The following ADAT1 variants were observed in gnomAD, a reference collection of about 807,000 sequenced individuals.
ADAT1 encodes tRNA-specific adenosine deaminase 1.
ADAT1 carries 58 observed loss-of-function variants against 58.6 expected under a neutral mutation model. The ratio of observed to expected loss-of-function variants is 0.99; its 90% CI spans 0.80 to 1.23. The LOEUF (loss-of-function observed/expected upper bound fraction) is 1.23, where lower values mean the gene tolerates loss of function less well. Among genes scored for constraint, ADAT1 ranks in the 50% most tolerant of loss-of-function variants. The pLI, the probability that ADAT1 is intolerant of heterozygous loss-of-function variation, is 0.00. For missense variants in ADAT1, 741 were observed against 608.6 expected (o/e 1.22, Z -2.29); for synonymous variants, 254 against 220.8 (o/e 1.15, Z -1.33).
In ADAT1 at chr16:75,599,089, T is replaced by C; in HGVS notation, c.*1127A>G. ...CTTTTGGCTTCTTTTTTTTTTTTTT[T>C]TTTTTTTTTTGAGATAGGGTCTTGC... On this transcript the variant is annotated 3_prime_UTR_variant, in exon 10 of 10. Coordinates refer to ENST00000564657, the MANE Select transcript of ADAT1 (RefSeq NM_001324445.2). The C allele has an allele frequency of 1.0e-6, 1 of 979,688 alleles. No individual in the cohort carries two copies. Among genetic ancestry groups the C allele is most frequent in the Non-Finnish European group, 1.2e-6 (1 of 828,304 alleles). 60.7% of individuals were successfully genotyped at this position (979,688 alleles called of 1,614,324 possible).
intron 3 of ADAT1, chr16:75,619,881 G>C (rs558911992): frequency 4.8e-6 from 1 of 207,924 alleles, no homozygotes; most frequent in East Asian, 1.3e-4. Context: ...GTGACAGAGC[G>C]AGACTCCGAG....
At chr16:75,604,454 A>T (rs868392103) in intron 8 of ADAT1, among the ~76,000 whole-genome samples, 48 of 71,338 alleles carry the variant, frequency 6.7e-4, no homozygotes, top group Non-Finnish European at 1.0e-3. Context: ...AAAAAAAAAA[A>T]AAATATATAT....
chr16:75,607,094 G>A (rs1201918332), intron 8 of ADAT1, among the ~76,000 whole-genome samples: 3 of 151,992 alleles, frequency 2.0e-5, no homozygotes, highest in African/African-American at 7.3e-5. Flanking sequence ...GCTGGGCGTG[G>A]TGGCGGGCAT....
At position 75,620,923 on chromosome 16, in the gene ADAT1, C is replaced by T. The variant is rs113256979; in HGVS notation, c.-21-103G>A. 7.9e-5 allele frequency: 74 copies of T among 931,816 alleles called. No homozygotes were observed. The Admixed American group carries it at 1.2e-3, about 15-fold the overall frequency. 57.7% of individuals were successfully genotyped at this position (931,816 alleles called of 1,614,324 possible). Reference sequence around the variant, plus strand: ...TTCGAGTCTTTCAAATGGAGCAGACCGAGGTTTCCCTATCTGGAACTCTAT... The same window carrying T: ...TTCGAGTCTTTCAAATGGAGCAGACTGAGGTTTCCCTATCTGGAACTCTAT... On this transcript the variant is annotated intron_variant, in intron 1 of 9. Transcript: ENST00000564657.
intron 7 of ADAT1, 102 bp downstream of exon 7, chr16:75,608,741 G>A (rs977279765): frequency 2.1e-6 from 3 of 1,423,928 alleles, no homozygotes; most frequent in South Asian, 1.4e-5. Context: ...GGCCACTAGA[G>A]TGGTGAACTA....
chr16:75,604,492 C>CAG (rs2081318439), intron 8 of ADAT1, among the ~76,000 whole-genome samples: 1 of 124,520 alleles, frequency 8.0e-6, no homozygotes, highest in Non-Finnish European at 1.6e-5. Context: ...CACACACACA[C>CAG]ACACACACAC....
intron 8 of ADAT1, among the ~76,000 whole-genome samples, chr16:75,604,200 G>A (rs2081300632): frequency 6.6e-6 from 1 of 151,674 alleles, no homozygotes; most frequent in African/African-American, 2.4e-5. Flanking sequence ...AGGCTGAGGT[G>A]AATGAGCAGA....
Position 75,623,036 on chromosome 16 carries a change from G to T in ADAT1, c.-655C>A, listed in dbSNP as rs531248465. Reference sequence around the variant, plus strand: ...GAGCGCCTGATCCATTGGGTCCTGCGGCTGCCAGGCCAGAGGCCCCGCGCC... The same window carrying T: ...GAGCGCCTGATCCATTGGGTCCTGCTGCTGCCAGGCCAGAGGCCCCGCGCC... On this transcript the variant is annotated 5_prime_UTR_variant, in exon 1 of 10. Coordinates refer to ENST00000564657, the MANE Select transcript of ADAT1 (RefSeq NM_001324445.2). The T allele has an allele frequency of 1.4e-5, 2 of 141,538 alleles. No individual in the cohort carries two copies. The highest frequency in any genetic ancestry group is 5.7e-5 in the African/African-American group (2 of 35,354). 8.8% of individuals were successfully genotyped at this position (141,538 alleles called of 1,614,324 possible).
At chr16:75,618,295 A>C (rs2081806046) in intron 4 of ADAT1, among the ~76,000 whole-genome samples, 1 of 151,966 alleles carries the variant, frequency 6.6e-6, no homozygotes, top group Non-Finnish European at 1.5e-5. Context: ...TAATGAGGTC[A>C]GGAGTTTAAA....
At position 75,612,728 on chromosome 16, in the gene ADAT1, A is replaced by G; in HGVS notation, c.558T>C (p.Cys186=). 6.2e-7 allele frequency: 1 copy of G among 1,613,978 alleles called. No homozygotes were observed. The highest frequency in any genetic ancestry group is 8.5e-7 in the Non-Finnish European group (1 of 1,180,022). ...NLEAPGNERK[C]EDPDSPVTKK... ...TGGTTACAGGACTGTCAGGGTCTTC[A>G]CATTTTCTTTCATTTCCAGGAGCTT... The change falls in exon 6 of 10, where the codon TGT becomes TGC. Residue 186 remains cysteine (C), a synonymous_variant. Coordinates refer to ENST00000564657, the MANE Select transcript of ADAT1 (RefSeq NM_001324445.2).
rs1192381072 is a variant in ADAT1 at position 75,596,924 on chromosome 16, A to C, written c.*3292T>G. On this transcript the variant is annotated 3_prime_UTR_variant, in exon 10 of 10. Coordinates refer to ENST00000564657, the MANE Select transcript of ADAT1 (RefSeq NM_001324445.2). ...TAATAAAGTACTGATTCATGCTACA[A>C]CATAAATCTTGAAAACATGTTAAGT... The C allele has an allele frequency of 6.6e-6, 1 of 152,322 alleles. No homozygotes were observed. The highest frequency in any genetic ancestry group is 1.9e-4 in the East Asian group (1 of 5,202). 9.4% of individuals were successfully genotyped at this position (152,322 alleles called of 1,614,324 possible). A position where few individuals can be genotyped will look rare whatever the true frequency, so the allele number is the denominator to read the frequency against.
Position 75,599,298 on chromosome 16 carries a change from T to C in ADAT1, c.*918A>G. On this transcript the variant is annotated 3_prime_UTR_variant, in exon 10 of 10. Coordinates refer to ENST00000564657, the MANE Select transcript of ADAT1 (RefSeq NM_001324445.2). ...GGTTTCACCAGGTTGGCCAGGCTGG[T>C]CTTGAACTCCTGACCTCAAGTGATC... is the stretch of plus-strand genomic sequence containing the variant. 1.1e-6 allele frequency: 1 copy of C among 921,020 alleles called. No homozygotes were observed. The highest frequency in any genetic ancestry group is 1.3e-6 in the Non-Finnish European group (1 of 771,358). The allele number at this position is 921,020 out of a possible 1,614,324, so 57.1% of individuals were successfully genotyped here.
chr16:75,623,273 T>G lies in ADAT1; in HGVS notation c.-892A>C, dbSNP rs1209599868. On this transcript the variant is annotated 5_prime_UTR_variant, in exon 1 of 10. Coordinates refer to ENST00000564657, the MANE Select transcript of ADAT1 (RefSeq NM_001324445.2). ...CGCGCCTAGAAGAAAGCGAGCTTAA[T>G]CCGCCGGTAAGGCGGACGTGACGTC... 1.3e-5 allele frequency: 2 copies of G among 152,342 alleles called. No individual in the cohort carries two copies. The highest frequency in any genetic ancestry group is 3.9e-4 in the East Asian group (2 of 5,178). The allele number at this position is 152,342 out of a possible 1,614,324, so 9.4% of individuals were successfully genotyped here. A position where few individuals can be genotyped will look rare whatever the true frequency, so the allele number is the denominator to read the frequency against.
chr16:75,611,538 C>T (rs2081533965), intron 6 of ADAT1, among the ~76,000 whole-genome samples: 1 of 151,986 alleles, frequency 6.6e-6, no homozygotes, highest in Non-Finnish European at 1.5e-5. Flanking sequence ...GTGCGTGCCA[C>T]ATCTGGCTAG....
chr16:75,601,287 C>T (rs2081223227), intron 9 of ADAT1, among the ~76,000 whole-genome samples: 1 of 151,662 alleles, frequency 6.6e-6, no homozygotes, highest in African/African-American at 2.4e-5. Context: ...TTCCTGTAAG[C>T]TACGATTGTG....
chr16:75,604,462 T>TAA (rs2081313568), intron 8 of ADAT1, among the ~76,000 whole-genome samples: 1 of 47,856 alleles, frequency 2.1e-5, no homozygotes, highest in Non-Finnish European at 3.1e-5. Context: ...AAAAAATATA[T>TAA]ATATATATAT....
rs575962377 is a variant in ADAT1 at position 75,598,604 on chromosome 16, C to T, written c.*1612G>A. On this transcript the variant is annotated 3_prime_UTR_variant, in exon 10 of 10. Transcript: ENST00000564657. Reference sequence around the variant, plus strand: ...CATGATCTTGACTCACTGCAACCTCCGCCTCCCAGGTTCAAGTGATTCTCC... The same window carrying T: ...CATGATCTTGACTCACTGCAACCTCTGCCTCCCAGGTTCAAGTGATTCTCC... 4.9e-4 allele frequency among the ~76,000 whole-genome samples: 75 copies of T among 151,728 alleles called. No homozygotes were observed. Among genetic ancestry groups the T allele is most frequent in the Non-Finnish European group, 7.7e-4 (52 of 67,940 alleles).
Position 75,599,013 on chromosome 16 carries a change from G to T in ADAT1, c.*1203C>A. The T allele has an allele frequency of 1.0e-6, 1 of 984,286 alleles. No homozygotes were observed. The highest frequency in any genetic ancestry group is 1.8e-5 in the African/African-American group (1 of 56,954). The allele number at this position is 984,286 out of a possible 1,614,324, so 61.0% of individuals were successfully genotyped here. On this transcript the variant is annotated 3_prime_UTR_variant, in exon 10 of 10. Transcript: ENST00000564657. Reference sequence around the variant, plus strand: ...GTCTGAAGTTGAGTGTTAAACATTCGATGTTAAAACAGGATTGGCTGCTGG... The same window carrying T: ...GTCTGAAGTTGAGTGTTAAACATTCTATGTTAAAACAGGATTGGCTGCTGG...
At chr16:75,600,448 G>C in intron 9 of ADAT1, 100 bp from the exon 10 acceptor site, 10 of 1,516,082 alleles carry the variant, frequency 6.6e-6, no homozygotes, top group South Asian at 1.3e-5. Flanking sequence ...CTTGTAATGA[G>C]ACTTAGGTAG....
Sources: gnomAD v4.1 joint callset for allele counts (sites outside exome capture counted in the v4.1 genomes callset) on GRCh38, gnomAD v4.1.1 for gene constraint, MANE v1.5 for transcripts, NCBI Gene and HGNC (gene_info 2026-07-23, HGNC 2026-07-21) for gene names.